Variants in RANBP17 observed in about 807,000 individuals in gnomAD.
RANBP17 encodes the protein ran-binding protein 17.
RANBP17 carries 158 observed loss-of-function variants against 141.2 expected under a neutral mutation model. The observed-to-expected ratio is 1.12, with a 90% CI of 0.98 to 1.28. The LOEUF is 1.28. Among genes scored for constraint, RANBP17 ranks in the 50% most tolerant of loss-of-function variants. The probability of loss-of-function intolerance (pLI) is 0.00; values close to 1 mark genes in which losing one functional copy is unlikely to be tolerated. For synonymous variants in RANBP17, 430 were observed against 450.0 expected, an observed-to-expected ratio of 0.96 and a Z score of 0.56; for missense variants, 1,438 against 1,290.7, an observed-to-expected ratio of 1.11 and a Z score of -1.75.
chr5:170,878,245 T>TA lies in RANBP17; in HGVS notation c.165+4dup, dbSNP rs1354213679. 1.2e-6 allele frequency: 2 copies of TA among 1,603,542 alleles called. No individual in the cohort carries two copies. ...CAACTTTTATTAGAACAAGGAACAGTAAGTATTTGGTAACAATGATTAACC... is the reference window on the plus strand; with the variant it reads ...CAACTTTTATTAGAACAAGGAACAGTAAAGTATTTGGTAACAATGATTAACC... On this transcript the variant is annotated splice_region_variant and intron_variant, in intron 2 of 27. Coordinates refer to ENST00000523189, the MANE Select transcript of RANBP17 (RefSeq NM_022897.5).
chr5:170,862,159 G>C, intron 1 of RANBP17, 108 bp downstream of exon 1: 1 of 1,190,682 alleles, frequency 8.4e-7, no homozygotes, highest in Admixed American at 4.2e-5. Flanking sequence ...CAGGGCCGTG[G>C]GCCGGTGTCC....
intron 14 of RANBP17, among the ~76,000 whole-genome samples, chr5:171,009,826 A>G (rs1779906497): frequency 6.6e-6 from 1 of 152,328 alleles, no homozygotes; most frequent in African/African-American, 2.4e-5. Flanking sequence ...AGAAAAAGAA[A>G]CACTGTTTGA....
At chr5:170,928,288 A>G (rs1773088427) in intron 12 of RANBP17, among the ~76,000 whole-genome samples, 1 of 152,116 alleles carries the variant, frequency 6.6e-6, no homozygotes, top group Admixed American at 6.6e-5. Flanking sequence ...TGTTTTACAA[A>G]TATTTCCTCC....
intron 14 of RANBP17, among the ~76,000 whole-genome samples, chr5:171,168,660 T>TC (rs1169174242): frequency 6.6e-6 from 1 of 152,084 alleles, no homozygotes; most frequent in East Asian, 1.9e-4. Context: ...CCTCCTTAGC[T>TC]CCCTCTTTCC....
intron 25 of RANBP17, among the ~76,000 whole-genome samples, chr5:171,288,126 TC>T (rs1206967283): frequency 6.6e-6 from 1 of 152,218 alleles, no homozygotes; most frequent in Non-Finnish European, 1.5e-5. Flanking sequence ...TGGACCATTT[TC>T]CAGAGACAGC....
chr5:170,985,882 A>G (rs1165930426), intron 14 of RANBP17, among the ~76,000 whole-genome samples: 1 of 152,142 alleles, frequency 6.6e-6, no homozygotes, highest in Non-Finnish European at 1.5e-5. Context: ...CTGGGAGTGT[A>G]TACCTATGCT....
At chr5:170,909,924 C>G (rs1285231450) in intron 6 of RANBP17, 159 bp downstream of exon 6, 1 of 478,938 alleles carries the variant, frequency 2.1e-6, no homozygotes, top group Admixed American at 4.0e-5. Flanking sequence ...GTAAGCAGTT[C>G]CAAAAAATTC....
intron 14 of RANBP17, among the ~76,000 whole-genome samples, chr5:171,040,521 G>A (rs952509940): frequency 2.0e-5 from 3 of 152,054 alleles, no homozygotes; most frequent in Non-Finnish European, 4.4e-5. Flanking sequence ...AGTCTTGTTC[G>A]TTTATTTATT....
intron 25 of RANBP17, among the ~76,000 whole-genome samples, chr5:171,272,196 G>A (rs1386420749): frequency 6.6e-6 from 1 of 152,206 alleles, no homozygotes; most frequent in Non-Finnish European, 1.5e-5. Context: ...CTTGAGAGTG[G>A]AGAGTTGGAG....
At chr5:170,994,246 C>G (rs890245882) in intron 14 of RANBP17, among the ~76,000 whole-genome samples, 1 of 151,902 alleles carries the variant, frequency 6.6e-6, no homozygotes, top group Admixed American at 6.6e-5. Flanking sequence ...TTTATCTAAT[C>G]AAGTTCGGAT....
intron 11 of RANBP17, among the ~76,000 whole-genome samples, chr5:170,921,086 T>A (rs1294254074): frequency 1.3e-5 from 2 of 152,210 alleles, no homozygotes; most frequent in Non-Finnish European, 2.9e-5. Context: ...CAGAAGCTCT[T>A]TAGTTTAATT....
chr5:171,169,986 A>G (rs747924575), intron 14 of RANBP17, 144 bp from the exon 15 acceptor site: 2 of 412,908 alleles, frequency 4.8e-6, no homozygotes, highest in Non-Finnish European at 8.6e-6. Context: ...GATTCTTTTT[A>G]AAAAATTCCT....
chr5:171,032,378 A>T (rs929266223), intron 14 of RANBP17, among the ~76,000 whole-genome samples: 1 of 152,166 alleles, frequency 6.6e-6, no homozygotes, highest in East Asian at 1.9e-4. Context: ...TTTTCATTAC[A>T]GTTTGGAATA....
intron 22 of RANBP17, 97 bp downstream of exon 22, chr5:171,221,937 CT>C: frequency 1.3e-6 from 1 of 799,836 alleles, no homozygotes; most frequent in Non-Finnish European, 2.0e-6. Flanking sequence ...ACTTTCATAT[CT>C]TTATGAATTT....
intron 14 of RANBP17, among the ~76,000 whole-genome samples, chr5:171,096,251 G>A (rs537455946): frequency 7.9e-5 from 12 of 152,200 alleles, no homozygotes; most frequent in Non-Finnish European, 1.5e-4. Context: ...TATCATCAAA[G>A]CATTATATAC....
rs759597234 is a variant in RANBP17, at chr5:171,295,999, T to C, written c.3155T>C (p.Val1052Ala). 4 of 1,613,554 alleles carry C rather than the reference T, an allele frequency of 2.5e-6. No homozygotes were observed. In the East Asian group the frequency reaches 8.9e-5, roughly 36 times the overall value. ...LMEGVEQNLS[V>A]KNRDRFTQNL... is the part of the protein sequence containing the mutation. The stretch of plus-strand genomic sequence containing the variant: ...GAAGGAGTGGAGCAGAACCTGTCCG[T>C]CAAGAACAGAGACAGGTGAGCATTG... The change falls in exon 27 of 28, where the codon GTC becomes GCC. Residue 1052 changes from valine to alanine, a missense_variant. By Grantham distance (64) the Val-to-Ala change is moderately conservative. Transcript: ENST00000523189.
At chr5:171,135,153 A>C (rs1757184132) in intron 14 of RANBP17, among the ~76,000 whole-genome samples, 1 of 150,612 alleles carries the variant, frequency 6.6e-6, no homozygotes, top group Admixed American at 6.6e-5. Flanking sequence ...GGTGGTTCAC[A>C]CCTGTAATCC....
At chr5:171,049,713 T>C (rs1276570464) in intron 14 of RANBP17, among the ~76,000 whole-genome samples, 2 of 152,226 alleles carry the variant, frequency 1.3e-5, no homozygotes, top group African/African-American at 2.4e-5. Flanking sequence ...CAACACCATT[T>C]ATTGAATATG....
intron 14 of RANBP17, chr5:170,968,645 C>A: frequency 1.9e-6 from 1 of 513,854 alleles, no homozygotes; most frequent in African/African-American, 1.9e-5. Context: ...AAACACTAAT[C>A]AATTTTGCCT....
Sources: gnomAD v4.1 joint callset for allele counts (sites outside exome capture counted in the v4.1 genomes callset) on GRCh38, gnomAD v4.1.1 for gene constraint, MANE v1.5 for transcripts, NCBI Gene and HGNC (gene_info 2026-07-23, HGNC 2026-07-21) for gene names.